The following CTNNA2 variants were observed in gnomAD, a reference collection of about 807,000 sequenced individuals.
The protein encoded by CTNNA2 is catenin alpha 2.
Under a neutral mutation model 101.0 loss-of-function variants are expected in CTNNA2, and 42 were observed. The ratio of observed to expected loss-of-function variants is 0.42; its 90% CI spans 0.32 to 0.54. The LOEUF is 0.54. Ranked by LOEUF, CTNNA2 falls within the 20% of genes least tolerant of loss-of-function variation. The pLI is 0.14. For synonymous variants in CTNNA2, 450 were observed against 456.4 expected (o/e 0.99, Z 0.18); for missense variants, 871 against 1,223.1 (o/e 0.71, Z 4.29).
chr2:80,136,068 C>T (rs190798862), intron 7 of CTNNA2, among the ~76,000 whole-genome samples: 8 of 152,182 alleles, frequency 5.3e-5, no homozygotes, highest in Admixed American at 5.2e-4. Flanking sequence ...GCTTATGTAT[C>T]CTACTGTGCA....
rs1695614087 is a variant in CTNNA2, at chr2:80,582,371, A to G, written c.2007+552A>G. On this transcript the variant is annotated intron_variant, in intron 14 of 18. Transcript: ENST00000402739. Reference sequence around the variant, plus strand: ...TTCCTCATGATGCCTGTCTACTCCCATGGTGGTATTCCTAGATCTGTCTGC... The same window carrying G: ...TTCCTCATGATGCCTGTCTACTCCCGTGGTGGTATTCCTAGATCTGTCTGC... Among the ~76,000 whole-genome samples the G allele has an allele frequency of 3.3e-5, 5 of 152,156 alleles. No individual in the cohort carries two copies. In the South Asian group the frequency reaches 1.0e-3, roughly 32 times the overall value.
intron 1 of CTNNA2, among the ~76,000 whole-genome samples, chr2:79,519,804 C>A (rs1299592313): frequency 6.6e-6 from 1 of 152,156 alleles, no homozygotes; most frequent in African/African-American, 2.4e-5. Context: ...TCCATCCTTC[C>A]CTCTCTTTCA....
intron 7 of CTNNA2, among the ~76,000 whole-genome samples, chr2:80,228,730 G>A (rs1490824404): frequency 6.6e-6 from 1 of 152,122 alleles, no homozygotes; most frequent in Non-Finnish European, 1.5e-5. Context: ...GCACATTGAG[G>A]ACAATTAAAA....
At chr2:80,546,141 T>A in intron 11 of CTNNA2, 78 bp downstream of exon 11, 1 of 1,539,610 alleles carries the variant, frequency 6.5e-7, no homozygotes, top group Non-Finnish European at 8.8e-7. Flanking sequence ...CTCGCAAATG[T>A]CATGGATCTG....
intron 9 of CTNNA2, among the ~76,000 whole-genome samples, chr2:80,543,560 T>C (rs1434423249): frequency 6.6e-6 from 1 of 152,294 alleles, no homozygotes; most frequent in East Asian, 1.9e-4. Flanking sequence ...ACACTAATGG[T>C]TTATTGAAGT....
intron 7 of CTNNA2, among the ~76,000 whole-genome samples, chr2:79,959,511 C>A (rs1267278601): frequency 6.6e-6 from 1 of 152,132 alleles, no homozygotes; most frequent in Non-Finnish European, 1.5e-5. Flanking sequence ...TTGTCTTACG[C>A]CACTCTTAAT....
chr2:80,443,325 A>G (rs1162683782), intron 9 of CTNNA2, among the ~76,000 whole-genome samples: 2 of 152,216 alleles, frequency 1.3e-5, no homozygotes, highest in African/African-American at 2.4e-5. Context: ...ATTCAAACTG[A>G]CACAGCAAGG....
intron 4 of CTNNA2, among the ~76,000 whole-genome samples, chr2:79,466,171 C>T (rs531135001): frequency 1.1e-4 from 17 of 152,308 alleles, no homozygotes; most frequent in African/African-American, 2.9e-4. Context: ...CCTGGAAAAT[C>T]GGGTCACTCC....
intron 9 of CTNNA2, among the ~76,000 whole-genome samples, chr2:80,475,621 G>A (rs1397746079): frequency 6.6e-6 from 1 of 151,954 alleles, no homozygotes; most frequent in African/African-American, 2.4e-5. Context: ...AGGTGTTTTG[G>A]GACTTATTTC....
At chr2:79,477,232 G>A (rs781621402) in intron 4 of CTNNA2, among the ~76,000 whole-genome samples, 8 of 146,916 alleles carry the variant, frequency 5.4e-5, no homozygotes, top group South Asian at 2.1e-4. Context: ...GTACAGTGGC[G>A]CAATCTCAGC....
chr2:79,273,720 T>C (rs2104308504), intron 2 of CTNNA2, among the ~76,000 whole-genome samples: 1 of 152,240 alleles, frequency 6.6e-6, no homozygotes, highest in African/African-American at 2.4e-5. Flanking sequence ...TATATTTTAT[T>C]TTCACATTGA....
chr2:79,465,482 T>C (rs984550836), intron 4 of CTNNA2, among the ~76,000 whole-genome samples: 1 of 152,218 alleles, frequency 6.6e-6, no homozygotes, highest in African/African-American at 2.4e-5. Flanking sequence ...TTTTGTTCCA[T>C]ATGAAATTTA....
chr2:80,607,704 T>TA (rs1698147583), intron 16 of CTNNA2, among the ~76,000 whole-genome samples: 1 of 152,046 alleles, frequency 6.6e-6, no homozygotes, highest in Admixed American at 6.6e-5. Flanking sequence ...AAGTGAATGA[T>TA]ACATTTATTA....
At chr2:80,094,455 G>A (rs908400685) in intron 7 of CTNNA2, among the ~76,000 whole-genome samples, 1 of 152,136 alleles carries the variant, frequency 6.6e-6, no homozygotes, top group African/African-American at 2.4e-5. Flanking sequence ...CTCCAGCTTT[G>A]TTCCTTTGGC....
chr2:79,998,102 A>G (rs1291225122), intron 7 of CTNNA2, among the ~76,000 whole-genome samples: 3 of 152,196 alleles, frequency 2.0e-5, no homozygotes, highest in South Asian at 2.1e-4. Flanking sequence ...TGCTACATTA[A>G]GTTCATTAGG....
At chr2:80,630,691 ATGAG>A (rs1303714004) in intron 18 of CTNNA2, among the ~76,000 whole-genome samples, 2 of 152,154 alleles carry the variant, frequency 1.3e-5, no homozygotes, top group African/African-American at 4.8e-5. Context: ...TGGTGAGAGA[ATGAG>A]TAACTACATT....
chr2:80,022,490 G>C (rs1275386985), intron 7 of CTNNA2, among the ~76,000 whole-genome samples: 2 of 152,208 alleles, frequency 1.3e-5, no homozygotes, highest in Non-Finnish European at 2.9e-5. Context: ...CAGGGGCCAG[G>C]TGTGGTGGTT....
At position 79,686,117 on chromosome 2, in the gene CTNNA2, G is replaced by A. The variant is rs1401273315; in HGVS notation, c.102+34459G>A. Among the ~76,000 whole-genome samples, 7 of 152,072 alleles carry A rather than the reference G, an allele frequency of 4.6e-5. No individual in the cohort carries two copies. In the East Asian group the frequency reaches 5.8e-4, roughly 13 times the overall value. On this transcript the variant is annotated intron_variant, in intron 2 of 18. Transcript: ENST00000402739. ...GCTGAGCATAGAGTGATTAAGAAAC[G>A]TAAAAAAATTAGTTTGGCTGGTAGA...
intron 7 of CTNNA2, among the ~76,000 whole-genome samples, chr2:80,256,737 T>C (rs1274805011): frequency 1.3e-5 from 2 of 152,172 alleles, no homozygotes; most frequent in South Asian, 2.1e-4. Context: ...TACATGCTTT[T>C]TTATGAAGCA....
Sources: gnomAD v4.1 joint callset for allele counts (sites outside exome capture counted in the v4.1 genomes callset) on GRCh38, gnomAD v4.1.1 for gene constraint, MANE v1.5 for transcripts, NCBI Gene and HGNC (gene_info 2026-07-23, HGNC 2026-07-21) for gene names.